PTPRT: variants seen among roughly 807,000 people sequenced by gnomAD.
PTPRT encodes the protein receptor-type tyrosine-protein phosphatase T.
In PTPRT, 56 loss-of-function variants were observed where a neutral mutation model predicts 176.8. The ratio of observed to expected loss-of-function variants is 0.32; its 90% CI spans 0.26 to 0.40. The LOEUF (loss-of-function observed/expected upper bound fraction) is 0.40. PTPRT is among the 10% of genes least tolerant of loss of function. The pLI, the probability that PTPRT is intolerant of heterozygous loss-of-function variation, is 1.00. For synonymous variants in PTPRT, 783 were observed against 739.0 expected (o/e 1.06, Z -0.96); for missense variants, 1,540 against 1,908.2 (o/e 0.81, Z 3.60).
downstream of PTPRT, among the ~76,000 whole-genome samples, chr20:42,069,997 C>G (rs1241782563): frequency 2.0e-5 from 3 of 152,204 alleles, no homozygotes; most frequent in African/African-American, 7.2e-5. Flanking sequence ...GAGAAAGCCA[C>G]TCAGGCCAAG....
At chr20:42,944,897 C>T (rs172270) in intron 1 of PTPRT, among the ~76,000 whole-genome samples, 2,559 of 152,120 alleles carry the variant, frequency 0.017, 74 homozygotes, top group African/African-American at 0.058. Flanking sequence ...TCATCTGAGT[C>T]GGTGTTTGTT....
chr20:42,364,227 C>T (rs779504543), intron 9 of PTPRT, among the ~76,000 whole-genome samples: 1 of 152,262 alleles, frequency 6.6e-6, no homozygotes, highest in African/African-American at 2.4e-5. Flanking sequence ...CCATCGATCA[C>T]GTAATCACAC....
intron 9 of PTPRT, among the ~76,000 whole-genome samples, chr20:42,442,836 T>C (rs961470332): frequency 2.2e-4 from 34 of 152,190 alleles, no homozygotes; most frequent in African/African-American, 7.5e-4. Context: ...TAGACAACTG[T>C]TTGGTTGGAT....
At chr20:42,748,495 C>T (rs1212991544) in intron 6 of PTPRT, among the ~76,000 whole-genome samples, 1 of 152,172 alleles carries the variant, frequency 6.6e-6, no homozygotes, top group East Asian at 1.9e-4. Flanking sequence ...CTAGCATGAG[C>T]TTGTCCTCCA....
chr20:42,492,282 C>T (rs1160082019), intron 7 of PTPRT, among the ~76,000 whole-genome samples: 1 of 152,164 alleles, frequency 6.6e-6, no homozygotes, highest in Admixed American at 6.6e-5. Flanking sequence ...TCCAGAGCGG[C>T]TATATCATTT....
At chr20:42,923,124 G>A (rs577308501) in intron 1 of PTPRT, among the ~76,000 whole-genome samples, 3 of 152,234 alleles carry the variant, frequency 2.0e-5, no homozygotes, top group Non-Finnish European at 4.4e-5. Flanking sequence ...ATACCTGTAG[G>A]AGAGCCAGTC....
chr20:42,339,015 C>A (rs573689952), intron 11 of PTPRT, among the ~76,000 whole-genome samples: 4 of 152,256 alleles, frequency 2.6e-5, no homozygotes, highest in South Asian at 4.2e-4. Flanking sequence ...CTGAGTGACG[C>A]GTGCATATTG....
chr20:42,842,334 C>A (rs1343498809), intron 2 of PTPRT, among the ~76,000 whole-genome samples: 2 of 152,242 alleles, frequency 1.3e-5, no homozygotes, highest in African/African-American at 4.8e-5. Flanking sequence ...TGAGTAGCTA[C>A]ACTCTGTCAG....
At chr20:42,344,685 G>A (rs930134880) in intron 11 of PTPRT, among the ~76,000 whole-genome samples, 3 of 152,000 alleles carry the variant, frequency 2.0e-5, no homozygotes, top group Non-Finnish European at 2.9e-5. Context: ...ATGGACTAGG[G>A]GCCTGTTTGC....
At chr20:42,540,011 T>G (rs544079464) in intron 7 of PTPRT, among the ~76,000 whole-genome samples, 3 of 152,242 alleles carry the variant, frequency 2.0e-5, no homozygotes, top group African/African-American at 7.2e-5. Flanking sequence ...CAAAATTCCC[T>G]AGATGTGAAG....
intron 2 of PTPRT, among the ~76,000 whole-genome samples, chr20:42,804,953 T>C (rs748560853): frequency 4.6e-5 from 7 of 152,154 alleles, no homozygotes; most frequent in Non-Finnish European, 8.8e-5. Context: ...AGGTCACATT[T>C]TGAGATACTG....
At chr20:42,416,286 GAAA>G (rs901496059) in intron 9 of PTPRT, among the ~76,000 whole-genome samples, 19 of 152,274 alleles carry the variant, frequency 1.2e-4, no homozygotes, top group Admixed American at 4.6e-4. Context: ...GAAGCTAGAA[GAAA>G]GGCATGGAAC....
intron 13 of PTPRT, among the ~76,000 whole-genome samples, chr20:42,251,649 A>C (rs556666922): frequency 3.9e-5 from 6 of 151,994 alleles, no homozygotes; most frequent in African/African-American, 1.2e-4. Context: ...CAAAGGGACC[A>C]TGAAAGCAGC....
rs758255021 is a variant in PTPRT at position 42,780,288 on chromosome 20, T to C, written c.498A>G (p.Glu166=). 2 of 1,613,764 alleles carry C rather than the reference T, an allele frequency of 1.2e-6. No homozygotes were observed. The highest frequency in any genetic ancestry group is 2.2e-5 in the South Asian group (2 of 91,074). The change falls in exon 4 of 31, where the codon GAA becomes GAG. Residue 166 remains glutamate, a synonymous_variant. Coordinates refer to ENST00000373187, the MANE Select transcript of PTPRT (RefSeq NM_007050.6). ...CAGGATGACCCTTCAATGAGACGGATTCAAATATCACCTGCAACACACAGG... is the reference window on the plus strand; with the variant it reads ...CAGGATGACCCTTCAATGAGACGGACTCAAATATCACCTGCAACACACAGG... ...FWPHFYQVIF[E]SVSLKGHPGY... is the part of the protein sequence containing the mutation.
At chr20:42,141,811 G>A in intron 18 of PTPRT, 104 bp downstream of exon 18, 1 of 1,104,786 alleles carries the variant, frequency 9.1e-7, no homozygotes, top group Admixed American at 1.7e-5. Flanking sequence ...GCTAGAGACA[G>A]CAAAGATTAT....
the PTPRT span, among the ~76,000 whole-genome samples, chr20:42,061,501 T>C: frequency 5.3e-5 from 8 of 152,244 alleles, no homozygotes; most frequent in African/African-American, 1.4e-4. Context: ...ATCCTGTTAC[T>C]GGAGTCTTGC....
At chr20:42,184,540 C>CTA (rs879588603) in intron 16 of PTPRT, among the ~76,000 whole-genome samples, 1 of 113,180 alleles carries the variant, frequency 8.8e-6, no homozygotes, top group African/African-American at 3.5e-5. Flanking sequence ...TCTTCCTCTT[C>CTA]CTCTTCTTCT....
intron 3 of PTPRT, among the ~76,000 whole-genome samples, chr20:42,785,521 G>A (rs2077276440): frequency 6.6e-6 from 1 of 152,298 alleles, no homozygotes; most frequent in South Asian, 2.1e-4. Flanking sequence ...ATATGTGCAA[G>A]TATGTTTTGA....
At chr20:42,999,638 GGTT>G (rs947090888) in intron 1 of PTPRT, among the ~76,000 whole-genome samples, 2 of 150,980 alleles carry the variant, frequency 1.3e-5, no homozygotes. Flanking sequence ...TTGTTGTGGT[GGTT>G]GTTGTTGTTG....
Sources: gnomAD v4.1 joint callset for allele counts (sites outside exome capture counted in the v4.1 genomes callset) on GRCh38, gnomAD v4.1.1 for gene constraint, MANE v1.5 for transcripts, NCBI Gene and HGNC (gene_info 2026-07-23, HGNC 2026-07-21) for gene names.